LRRTM4: variants seen among roughly 807,000 people sequenced by gnomAD.
LRRTM4 encodes the protein leucine-rich repeat transmembrane neuronal protein 4.
In LRRTM4, 25 loss-of-function variants were observed where a neutral mutation model predicts 47.6. The ratio of observed to expected loss-of-function variants is 0.53; its 90% CI spans 0.38 to 0.73. The LOEUF (loss-of-function observed/expected upper bound fraction) is 0.73, where lower values mean the gene tolerates loss of function less well. LRRTM4 is among the 30% of genes least tolerant of loss of function. LRRTM4 has a pLI of 0.00. For missense variants in LRRTM4, 638 were observed against 713.4 expected (o/e 0.89, Z 1.20); for synonymous variants, 311 against 269.5 (o/e 1.15, Z -1.51).
In LRRTM4 at chr2:76,934,074, C is replaced by T. The variant is rs188379706; in HGVS notation, c.1552-185158G>A. On this transcript the variant is annotated intron_variant, in intron 3 of 3. Coordinates refer to ENST00000409884, the MANE Select transcript of LRRTM4 (RefSeq NM_001134745.3). ...TTCACTTTGCATCAGTACTCCAGCTCTCAAAGCAGGACTCTGTATTAAATG... is the reference window on the plus strand; with the variant it reads ...TTCACTTTGCATCAGTACTCCAGCTTTCAAAGCAGGACTCTGTATTAAATG... Among the ~76,000 whole-genome samples the T allele has an allele frequency of 5.3e-4, 81 of 152,264 alleles. 1 individual carries two copies. In the Middle Eastern group the frequency reaches 0.024, roughly 45 times the overall value.
At chr2:77,491,888 A>C (rs1056695092) in intron 3 of LRRTM4, among the ~76,000 whole-genome samples, 5 of 151,998 alleles carry the variant, frequency 3.3e-5, no homozygotes, top group Non-Finnish European at 5.9e-5. Context: ...AGCAAGACAT[A>C]GACTTTCTGA....
chr2:77,135,401 TGAG>T, intron 3 of LRRTM4, among the ~76,000 whole-genome samples: 1 of 152,300 alleles, frequency 6.6e-6, no homozygotes, highest in Middle Eastern at 3.4e-3. Flanking sequence ...GAGTTATCAG[TGAG>T]GAGTTCTCCA....
At chr2:77,162,562 G>C (rs747255214) in intron 3 of LRRTM4, among the ~76,000 whole-genome samples, 1 of 152,132 alleles carries the variant, frequency 6.6e-6, no homozygotes, top group Non-Finnish European at 1.5e-5. Context: ...TAACTGGGAG[G>C]CACCTCCCAG....
intron 3 of LRRTM4, among the ~76,000 whole-genome samples, chr2:77,071,466 C>A (rs564322803): frequency 6.6e-6 from 1 of 151,846 alleles, no homozygotes; most frequent in African/African-American, 2.4e-5. Flanking sequence ...TTAAAATATG[C>A]CCAAACTCTC....
At chr2:77,163,053 C>T (rs890189672) in intron 3 of LRRTM4, among the ~76,000 whole-genome samples, 1 of 152,040 alleles carries the variant, frequency 6.6e-6, no homozygotes, top group Non-Finnish European at 1.5e-5. Flanking sequence ...ATCTTGGAAC[C>T]CATCACAAAG....
chr2:76,807,413 T>TATACACACACAC (rs1553412588), intron 3 of LRRTM4, among the ~76,000 whole-genome samples: 2 of 95,032 alleles, frequency 2.1e-5, no homozygotes, highest in African/African-American at 9.4e-5. Flanking sequence ...TATACGTATA[T>TATACACACACAC]ATATATATAT....
chr2:77,353,186 ATT>A (rs1430598493), intron 3 of LRRTM4, among the ~76,000 whole-genome samples: 1 of 152,170 alleles, frequency 6.6e-6, no homozygotes, highest in Non-Finnish European at 1.5e-5. Flanking sequence ...AATCAAGATA[ATT>A]TTATTTTTTC....
intron 3 of LRRTM4, among the ~76,000 whole-genome samples, chr2:77,438,690 G>A (rs113863301): frequency 0.025 from 3,874 of 152,164 alleles, 159 homozygotes; most frequent in African/African-American, 0.088. Flanking sequence ...ACAGGCGTGA[G>A]CCAACGTGCC....
chr2:77,238,414 G>A (rs929994134), intron 3 of LRRTM4, among the ~76,000 whole-genome samples: 2 of 151,474 alleles, frequency 1.3e-5, no homozygotes, highest in African/African-American at 4.8e-5. Context: ...CACAGAGAGG[G>A]GACACCTCAA....
intron 3 of LRRTM4, among the ~76,000 whole-genome samples, chr2:77,213,829 G>C (rs558936439): frequency 6.6e-4 from 100 of 152,172 alleles, no homozygotes; most frequent in Middle Eastern, 3.4e-3. Flanking sequence ...TGTTTGCTGA[G>C]ACTCCAGCAG....
chr2:77,465,952 T>A (rs1338178022), intron 3 of LRRTM4, among the ~76,000 whole-genome samples: 1 of 149,770 alleles, frequency 6.7e-6, no homozygotes, highest in South Asian at 2.1e-4. Context: ...AAATGCAATA[T>A]GGACTGTTTT....
At chr2:77,359,519 T>C (rs974613536) in intron 3 of LRRTM4, among the ~76,000 whole-genome samples, 6 of 152,176 alleles carry the variant, frequency 3.9e-5, no homozygotes, top group Non-Finnish European at 7.4e-5. Context: ...CCTTTTCTAA[T>C]TGATAAAAAA....
Position 77,148,840 on chromosome 2 carries a change from C to T in LRRTM4, c.1551+369478G>A, listed in dbSNP as rs140220554. On this transcript the variant is annotated intron_variant, in intron 3 of 3. Coordinates refer to ENST00000409884, the MANE Select transcript of LRRTM4 (RefSeq NM_001134745.3). The stretch of plus-strand genomic sequence containing the variant: ...GTTAGGAAGTAAAGAAGAAGAACCT[C>T]GCAGCAGAAATCCTTAAAACTCTCT... Among the ~76,000 whole-genome samples, 7 of 152,182 alleles carry T rather than the reference C, an allele frequency of 4.6e-5. No individual in the cohort carries two copies. In the South Asian group the frequency reaches 1.0e-3, roughly 23 times the overall value.
chr2:76,986,350 C>T (rs908627566), intron 3 of LRRTM4, among the ~76,000 whole-genome samples: 3 of 151,782 alleles, frequency 2.0e-5, no homozygotes, highest in Non-Finnish European at 2.9e-5. Flanking sequence ...AGTCTTTAAC[C>T]AAAAATATAC....
intron 3 of LRRTM4, among the ~76,000 whole-genome samples, chr2:77,052,917 A>G (rs1419831875): frequency 6.6e-6 from 1 of 152,130 alleles, no homozygotes; most frequent in Non-Finnish European, 1.5e-5. Flanking sequence ...ATTCACTAAT[A>G]TAATAAGGTG....
intron 3 of LRRTM4, among the ~76,000 whole-genome samples, chr2:77,103,939 G>T (rs1298105155): frequency 6.6e-6 from 1 of 151,950 alleles, no homozygotes; most frequent in Non-Finnish European, 1.5e-5. Flanking sequence ...AAATCAGTCG[G>T]ATCTCAGTTC....
At chr2:77,265,281 C>T (rs1676021237) in intron 3 of LRRTM4, among the ~76,000 whole-genome samples, 1 of 151,968 alleles carries the variant, frequency 6.6e-6, no homozygotes, top group Non-Finnish European at 1.5e-5. Context: ...CCCCAAAGTT[C>T]GTATGTTGTA....
chr2:77,124,423 C>T (rs576669888), intron 3 of LRRTM4, among the ~76,000 whole-genome samples: 14 of 152,192 alleles, frequency 9.2e-5, no homozygotes, highest in Admixed American at 7.2e-4. Flanking sequence ...GCCCCCCTCC[C>T]GCCAAATTCA....
intron 3 of LRRTM4, among the ~76,000 whole-genome samples, chr2:77,002,309 C>T (rs1677461310): frequency 1.3e-5 from 2 of 152,054 alleles, no homozygotes; most frequent in South Asian, 4.2e-4. Context: ...ACCCAGATTT[C>T]TAAAAGAGAA....
Sources: allele counts gnomAD v4.1 joint callset (sites outside exome capture counted in the v4.1 genomes callset), GRCh38; gene constraint gnomAD v4.1.1; transcripts MANE v1.5; gene names NCBI Gene and HGNC (gene_info 2026-07-23, HGNC 2026-07-21).